PCDH7: variants seen among roughly 807,000 people sequenced by gnomAD.
The protein encoded by PCDH7 is protocadherin 7.
A neutral mutation model predicts 58.9 loss-of-function variants in PCDH7; 17 were observed. The ratio of observed to expected loss-of-function variants is 0.29; its 90% CI spans 0.20 to 0.43. The LOEUF (loss-of-function observed/expected upper bound fraction) is 0.43. PCDH7 is among the 20% of genes least tolerant of loss of function. The probability of loss-of-function intolerance (pLI) is 1.00; values close to 1 mark genes in which losing one functional copy is unlikely to be tolerated. For missense variants in PCDH7, 1,274 were observed against 1,441.0 expected (o/e 0.88, Z 1.88); for synonymous variants, 664 against 616.4 (o/e 1.08, Z -1.14).
At chr4:30,862,749 G>T (rs1193508568) in intron 1 of PCDH7, among the ~76,000 whole-genome samples, 1 of 152,036 alleles carries the variant, frequency 6.6e-6, no homozygotes, top group Non-Finnish European at 1.5e-5. Context: ...TCATAAGTGA[G>T]ACCAAGTGGA....
At chr4:30,921,210 T>C (rs1743149763) in intron 2 of PCDH7, among the ~76,000 whole-genome samples, 1 of 152,112 alleles carries the variant, frequency 6.6e-6, no homozygotes, top group Non-Finnish European at 1.5e-5. Context: ...ATGGTAAAAT[T>C]CATCCTAACT....
At chr4:30,881,640 C>G (rs538406791) in intron 1 of PCDH7, among the ~76,000 whole-genome samples, 5 of 152,042 alleles carry the variant, frequency 3.3e-5, no homozygotes, top group South Asian at 2.1e-4. Flanking sequence ...CCTGAAGGAG[C>G]CTTTTCATTT....
chr4:30,957,705 A>G (rs1477095476), intron 3 of PCDH7, among the ~76,000 whole-genome samples: 2 of 152,172 alleles, frequency 1.3e-5, no homozygotes, highest in African/African-American at 4.8e-5. Flanking sequence ...AGGACACTGC[A>G]TATCGAATGT....
At chr4:30,978,058 T>C (rs186721520) in intron 3 of PCDH7, among the ~76,000 whole-genome samples, 2 of 152,326 alleles carry the variant, frequency 1.3e-5, no homozygotes, top group African/African-American at 4.8e-5. Flanking sequence ...CACTCAAAAG[T>C]TCATTTAAAT....
chr4:30,721,819 G>A lies in PCDH7; in HGVS notation c.397G>A (p.Val133Met). 5 of 1,611,924 alleles carry A rather than the reference G, an allele frequency of 3.1e-6. No homozygotes were observed. The highest frequency in any genetic ancestry group is 4.2e-6 in the Non-Finnish European group (5 of 1,179,290). Residue 133 changes from valine (V) to methionine (M), a missense_variant, in exon 1 of 2, where the codon GTG becomes ATG. Coordinates refer to ENST00000361762, the Ensembl canonical transcript of PCDH7. This position sits in a 1 kb window ranked among gnomAD's most constrained non-coding sequence, Gnocchi z 6.7. ...GGACCTGTTTGAGGGTCAGGTCATC[G>A]TGCTTGACATCAACGACAACACGCC...
intron 3 of PCDH7, among the ~76,000 whole-genome samples, chr4:30,968,376 C>CTATATATATATATATATATA (rs60085619): frequency 8.7e-4 from 58 of 67,026 alleles, no homozygotes; most frequent in East Asian, 2.9e-3. Context: ...TATACACACA[C>CTATATATATATATATATATA]TATATATATA....
chr4:31,049,381 A>G (rs960945859), intron 3 of PCDH7, among the ~76,000 whole-genome samples: 1 of 152,136 alleles, frequency 6.6e-6, no homozygotes, highest in South Asian at 2.1e-4. Flanking sequence ...TTACAAGTTC[A>G]GTGATAGGAG....
At position 31,084,375 on chromosome 4, in the gene PCDH7, A is replaced by G. The variant is rs1295599944; in HGVS notation, c.*8-58098A>G. On this transcript the variant is annotated intron_variant, in intron 3 of 3. Coordinates refer to the PCDH7 transcript ENST00000509759. ...AGACGAAGATGTGAAATTTGAAATT[A>G]GTTAAAAGTATGGCTATTGAGCTTT... Among the ~76,000 whole-genome samples, 6 of 152,274 alleles carry G rather than the reference A, an allele frequency of 3.9e-5. No homozygotes were observed. In the East Asian group the frequency reaches 1.2e-3, roughly 30 times the overall value.
At chr4:31,118,665 T>A (rs1247030501) in intron 3 of PCDH7, among the ~76,000 whole-genome samples, 1 of 152,150 alleles carries the variant, frequency 6.6e-6, no homozygotes, top group Non-Finnish European at 1.5e-5. Flanking sequence ...ATGGTACAAA[T>A]GAACAAGAGC....
At chr4:31,067,283 A>G (rs1464812285) in intron 3 of PCDH7, among the ~76,000 whole-genome samples, 1 of 151,624 alleles carries the variant, frequency 6.6e-6, no homozygotes, top group East Asian at 2.0e-4. Flanking sequence ...AGGTTTGGGA[A>G]CCACTGTTCC....
In PCDH7 at chr4:30,906,886, G is replaced by A. The variant is rs184056013; in HGVS notation, c.71-13267G>A. Among the ~76,000 whole-genome samples, 428 of 152,070 alleles carry A rather than the reference G, an allele frequency of 2.8e-3. 1 individual carries two copies. Among genetic ancestry groups the A allele is most frequent in the African/African-American group, 9.9e-3 (409 of 41,478 alleles). ...AAAAATACAAAAATTAGCTGGGCGT[G>A]GTGGCGGGTGCCTGTAATCCCAGCT... On this transcript the variant is annotated intron_variant, in intron 1 of 3. Transcript: ENST00000509759.
chr4:31,101,901 A>G lies in PCDH7; in HGVS notation c.*8-40572A>G, dbSNP rs77507956. Among the ~76,000 whole-genome samples the G allele has an allele frequency of 9.1e-3, 1,381 of 152,320 alleles. 14 individuals are homozygous for G. Among genetic ancestry groups the G allele is most frequent in the South Asian group, 0.053 (257 of 4,824 alleles). ...GATGAACCAAGCATAATTCCATATT[A>G]CAAATGAAAGGACATGGTAGGAATA... is the stretch of plus-strand genomic sequence containing the variant. On this transcript the variant is annotated intron_variant, in intron 3 of 3. Coordinates refer to the PCDH7 transcript ENST00000509759.
At chr4:30,960,558 G>A (rs1748316253) in intron 3 of PCDH7, among the ~76,000 whole-genome samples, 1 of 152,074 alleles carries the variant, frequency 6.6e-6, no homozygotes, top group Non-Finnish European at 1.5e-5. Flanking sequence ...GGAAATTATA[G>A]GATATATTTT....
chr4:31,146,543 C>T (rs1025355554), downstream of PCDH7: 9 of 151,874 alleles, frequency 5.9e-5, no homozygotes, highest in African/African-American at 9.7e-5. Context: ...CAGTGTGGTA[C>T]GATCTGTTTG....
At chr4:31,082,819 G>C (rs1711699143) in intron 3 of PCDH7, among the ~76,000 whole-genome samples, 1 of 152,040 alleles carries the variant, frequency 6.6e-6, no homozygotes, top group African/African-American at 2.4e-5. Flanking sequence ...TACACATTAA[G>C]GGCCGGGCAC....
Position 30,723,399 on chromosome 4 carries a change from G to T in PCDH7, c.1977G>T (p.Gly659=). 1.9e-6 allele frequency: 3 copies of T among 1,614,204 alleles called. No individual in the cohort carries two copies. Among genetic ancestry groups the T allele is most frequent in the South Asian group, 1.1e-5 (1 of 91,084 alleles). Residue 659 remains glycine (G), a synonymous_variant, in exon 1 of 2, where the codon GGG becomes GGT. Coordinates refer to ENST00000361762, the Ensembl canonical transcript of PCDH7. This position sits in a 1 kb window ranked among gnomAD's most constrained non-coding sequence, Gnocchi z 4.6. The stretch of plus-strand genomic sequence containing the variant: ...ACTTGCAGCCCAACAGCCCTGTGGG[G>T]ATGGTCACCGTGATGGATGCTGACA...
chr4:30,877,612 A>G (rs1736459397), intron 1 of PCDH7, among the ~76,000 whole-genome samples: 1 of 152,180 alleles, frequency 6.6e-6, no homozygotes, highest in Non-Finnish European at 1.5e-5. Flanking sequence ...GGCAATTTCC[A>G]TTTCTAATAT....
At chr4:31,136,703 C>T (rs766582393) in intron 3 of PCDH7, among the ~76,000 whole-genome samples, 3 of 152,156 alleles carry the variant, frequency 2.0e-5, no homozygotes, top group Non-Finnish European at 4.4e-5. Flanking sequence ...CAGTGATTCC[C>T]GCCCTGACCG....
At chr4:30,813,148 G>A (rs1330536666) in intron 1 of PCDH7, among the ~76,000 whole-genome samples, 1 of 152,164 alleles carries the variant, frequency 6.6e-6, no homozygotes, top group Non-Finnish European at 1.5e-5. Context: ...AAGAATACCA[G>A]CCTCTCATAT....
Sources: allele counts gnomAD v4.1 joint callset (sites outside exome capture counted in the v4.1 genomes callset), GRCh38; gene constraint gnomAD v4.1.1; non-coding constraint Gnocchi (gnomAD v3.1); transcripts MANE v1.5; gene names NCBI Gene and HGNC (gene_info 2026-07-23, HGNC 2026-07-21).